GRIK2: variants seen among roughly 807,000 people sequenced by gnomAD.
GRIK2 encodes the protein glutamate ionotropic receptor kainate type subunit 2, also known as glutamate receptor ionotropic, kainate 2.
Under a neutral mutation model 100.3 loss-of-function variants are expected in GRIK2, and 32 were observed. The observed-to-expected ratio is 0.32, with a 90% CI of 0.24 to 0.43. The LOEUF (loss-of-function observed/expected upper bound fraction) is 0.43. Among genes scored for constraint, GRIK2 ranks in the 20% least tolerant of loss-of-function variants. The pLI, the probability that GRIK2 is intolerant of heterozygous loss-of-function variation, is 1.00. For missense variants in GRIK2, 843 were observed against 1,114.9 expected, an observed-to-expected ratio of 0.76 and a Z score of 3.47; for synonymous variants, 417 against 389.4, an observed-to-expected ratio of 1.07 and a Z score of -0.83.
chr6:101,802,720 A>G (rs1780751722), intron 9 of GRIK2, among the ~76,000 whole-genome samples: 1 of 151,928 alleles, frequency 6.6e-6, no homozygotes, highest in Non-Finnish European at 1.5e-5. Flanking sequence ...GGTTTAATAT[A>G]GCAATTAGAA....
At chr6:102,014,106 G>C (rs559919526) in intron 14 of GRIK2, among the ~76,000 whole-genome samples, 37 of 152,144 alleles carry the variant, frequency 2.4e-4, no homozygotes, top group African/African-American at 8.9e-4. Context: ...ATTAAATTTT[G>C]GAGTTCATTA....
chr6:101,494,971 T>TTATTTATATATATATA (rs1554209025), intron 2 of GRIK2, among the ~76,000 whole-genome samples: 2 of 107,984 alleles, frequency 1.9e-5, no homozygotes, highest in Non-Finnish European at 1.9e-5. Context: ...ATATATGCAT[T>TTATTTATATATATATA]TATATATATA....
chr6:101,943,283 T>C (rs1297643685), intron 14 of GRIK2, among the ~76,000 whole-genome samples: 1 of 152,196 alleles, frequency 6.6e-6, no homozygotes, highest in African/African-American at 2.4e-5. Flanking sequence ...CACCTGGCTG[T>C]CCAGGCAGAA....
At chr6:102,009,671 G>A (rs549751243) in intron 14 of GRIK2, among the ~76,000 whole-genome samples, 1 of 152,156 alleles carries the variant, frequency 6.6e-6, no homozygotes, top group Admixed American at 6.5e-5. Context: ...TCAAACTAAT[G>A]AGTTTACTCT....
chr6:101,977,534 T>A (rs1243816001), intron 14 of GRIK2, among the ~76,000 whole-genome samples: 1 of 151,912 alleles, frequency 6.6e-6, no homozygotes, highest in Non-Finnish European at 1.5e-5. Flanking sequence ...GGCAAATGTT[T>A]CTCCTTGGAA....
intron 7 of GRIK2, among the ~76,000 whole-genome samples, chr6:101,736,460 C>T (rs1177358880): frequency 1.3e-5 from 2 of 152,184 alleles, no homozygotes; most frequent in African/African-American, 2.4e-5. Flanking sequence ...GGCAGAGGTT[C>T]CCAAACCGCA....
At chr6:101,626,827 A>T (rs189404509) in intron 4 of GRIK2, among the ~76,000 whole-genome samples, 190 bp downstream of exon 4, 9 of 152,214 alleles carry the variant, frequency 5.9e-5, no homozygotes, top group Non-Finnish European at 1.0e-4. Flanking sequence ...TATGTTGAAT[A>T]CTTCTTCTCT....
chr6:101,709,738 G>A (rs1456947755), intron 7 of GRIK2, among the ~76,000 whole-genome samples: 1 of 151,740 alleles, frequency 6.6e-6, no homozygotes, highest in Non-Finnish European at 1.5e-5. Context: ...CGCGGGGTAG[G>A]TATTTAAGTT....
intron 5 of GRIK2, among the ~76,000 whole-genome samples, chr6:101,677,551 A>G (rs1308534030): frequency 6.6e-6 from 1 of 152,152 alleles, no homozygotes; most frequent in Non-Finnish European, 1.5e-5. Flanking sequence ...TTATCAGTCC[A>G]TATCTTACAG....
intron 7 of GRIK2, among the ~76,000 whole-genome samples, chr6:101,798,057 T>C (rs983929973): frequency 3.3e-5 from 5 of 150,744 alleles, no homozygotes; most frequent in African/African-American, 9.7e-5. Context: ...TTTTTTTTTT[T>C]CTAAAAACAA....
At chr6:101,743,428 C>T (rs2012015854) in intron 7 of GRIK2, among the ~76,000 whole-genome samples, 1 of 152,084 alleles carries the variant, frequency 6.6e-6, no homozygotes, top group Non-Finnish European at 1.5e-5. Context: ...GGGTTTAATC[C>T]ATCTTATATG....
intron 14 of GRIK2, among the ~76,000 whole-genome samples, chr6:101,981,074 GC>G (rs1234047946): frequency 1.3e-5 from 2 of 151,452 alleles, no homozygotes; most frequent in Admixed American, 6.6e-5. Flanking sequence ...TTGCCACCTT[GC>G]CTGGAACACA....
At chr6:101,755,886 GA>G (rs1407403039) in intron 7 of GRIK2, among the ~76,000 whole-genome samples, 1 of 152,166 alleles carries the variant, frequency 6.6e-6, no homozygotes, top group African/African-American at 2.4e-5. Flanking sequence ...GCAATTTTAT[GA>G]AACATTATTA....
chr6:101,451,705 G>GC (rs1562147395), intron 2 of GRIK2, among the ~76,000 whole-genome samples: 1 of 139,328 alleles, frequency 7.2e-6, no homozygotes, highest in Admixed American at 7.4e-5. Flanking sequence ...AGGGGGGGGG[G>GC]GGTGCCAAAT....
intron 4 of GRIK2, among the ~76,000 whole-genome samples, chr6:101,628,184 T>A (rs1269945082): frequency 6.6e-6 from 1 of 152,008 alleles, no homozygotes; most frequent in Non-Finnish European, 1.5e-5. Context: ...GTGCAGAAAT[T>A]TGCCCATTTG....
At chr6:101,712,784 T>C (rs557535344) in intron 7 of GRIK2, among the ~76,000 whole-genome samples, 30 of 151,924 alleles carry the variant, frequency 2.0e-4, no homozygotes, top group African/African-American at 7.2e-4. Flanking sequence ...AACAGAATAC[T>C]GTTTAGATCT....
At chr6:101,584,592 A>T (rs1778262718) in intron 2 of GRIK2, among the ~76,000 whole-genome samples, 1 of 152,016 alleles carries the variant, frequency 6.6e-6, no homozygotes, top group South Asian at 2.1e-4. Context: ...AGAATGAATC[A>T]TTTCTTCTGT....
intron 2 of GRIK2, among the ~76,000 whole-genome samples, chr6:101,510,716 G>A (rs997460569): frequency 3.1e-4 from 47 of 151,632 alleles, no homozygotes; most frequent in African/African-American, 1.1e-3. Flanking sequence ...TAGAGACGGG[G>A]ATTCACCATG....
rs531090406 is a variant in GRIK2, at chr6:101,730,742, A to C, written c.951+44389A>C. Among the ~76,000 whole-genome samples, 4 of 151,970 alleles carry C rather than the reference A, an allele frequency of 2.6e-5. No individual in the cohort carries two copies. In the South Asian group the frequency reaches 8.3e-4, roughly 32 times the overall value. On this transcript the variant is annotated intron_variant, in intron 7 of 16. Coordinates refer to ENST00000369134, the MANE Select transcript of GRIK2 (RefSeq NM_021956.5). ...GAAATAGAGAAAAGATAAAGAGATA[A>C]TAGAGAAAAGAAAGAGAGAGGAACT...
Sources: gnomAD v4.1 joint callset for allele counts (sites outside exome capture counted in the v4.1 genomes callset) on GRCh38, gnomAD v4.1.1 for gene constraint, MANE v1.5 for transcripts, NCBI Gene and HGNC (gene_info 2026-07-23, HGNC 2026-07-21) for gene names.